The following CSMD1 variants were observed in gnomAD, a reference collection of about 807,000 sequenced individuals.
CSMD1 encodes the protein CUB and Sushi multiple domains 1.
A neutral mutation model predicts 417.5 loss-of-function variants in CSMD1; 213 were observed. The ratio of observed to expected loss-of-function variants is 0.51; its 90% CI spans 0.46 to 0.57. The LOEUF (loss-of-function observed/expected upper bound fraction) is 0.57, where lower values mean the gene tolerates loss of function less well. Among genes scored for constraint, CSMD1 ranks in the 20% least tolerant of loss-of-function variants. The probability of loss-of-function intolerance (pLI) is 0.00; values close to 1 mark genes in which losing one functional copy is unlikely to be tolerated. For synonymous variants in CSMD1, 2,862 were observed against 1,736.8 expected, an observed-to-expected ratio of 1.65 and a Z score of -16.11; for missense variants, 6,923 against 4,529.7, an observed-to-expected ratio of 1.53 and a Z score of -15.17.
At chr8:3,864,395 A>G (rs1804937864) in intron 5 of CSMD1, among the ~76,000 whole-genome samples, 1 of 152,182 alleles carries the variant, frequency 6.6e-6, no homozygotes, top group Non-Finnish European at 1.5e-5. Context: ...CAAAAGGTGC[A>G]AAGATGAAGG....
At chr8:3,986,966 G>A (rs1216861778) in intron 5 of CSMD1, among the ~76,000 whole-genome samples, 9 of 152,032 alleles carry the variant, frequency 5.9e-5, no homozygotes, top group Non-Finnish European at 1.3e-4. Flanking sequence ...TGCAGTTCAG[G>A]CTGTTCTTGA....
intron 5 of CSMD1, among the ~76,000 whole-genome samples, chr8:3,897,581 A>C (rs1489766970): frequency 1.3e-5 from 2 of 152,178 alleles, no homozygotes; most frequent in African/African-American, 4.8e-5. Context: ...AGTAAAAAAA[A>C]AAAGGCTATG....
At chr8:3,954,235 C>A (rs1348542043) in intron 5 of CSMD1, among the ~76,000 whole-genome samples, 1 of 152,180 alleles carries the variant, frequency 6.6e-6, no homozygotes, top group African/African-American at 2.4e-5. Context: ...CAGGCAAGTC[C>A]AGAGCAGGAG....
intron 8 of CSMD1, among the ~76,000 whole-genome samples, chr8:3,603,674 T>C (rs527821409): frequency 6.6e-6 from 1 of 152,352 alleles, no homozygotes; most frequent in African/African-American, 2.4e-5. Context: ...AACTTGAATG[T>C]TTTTAAAATT....
intron 2 of CSMD1, among the ~76,000 whole-genome samples, chr8:4,588,699 C>A (rs1585294603): frequency 6.6e-6 from 1 of 151,780 alleles, no homozygotes; most frequent in South Asian, 2.1e-4. Context: ...GCACAAGAAT[C>A]GCTTGAACCC....
At chr8:3,578,368 C>G (rs112822971) in intron 9 of CSMD1, among the ~76,000 whole-genome samples, 1 of 151,778 alleles carries the variant, frequency 6.6e-6, no homozygotes, top group Non-Finnish European at 1.5e-5. Context: ...GCTGTCCTCC[C>G]TTAGAAATCC....
At chr8:4,286,417 G>C (rs908510150) in intron 3 of CSMD1, among the ~76,000 whole-genome samples, 1 of 152,118 alleles carries the variant, frequency 6.6e-6, no homozygotes, top group African/African-American at 2.4e-5. Context: ...ATGAGACAGA[G>C]AAAAATCATG....
chr8:3,561,024 G>A (rs1296457208), intron 10 of CSMD1, among the ~76,000 whole-genome samples: 3 of 152,074 alleles, frequency 2.0e-5, no homozygotes, highest in African/African-American at 7.2e-5. Context: ...GGCAGGCAGT[G>A]AATACACACA....
intron 3 of CSMD1, among the ~76,000 whole-genome samples, chr8:4,124,976 T>C (rs887553074): frequency 2.6e-5 from 4 of 152,154 alleles, no homozygotes; most frequent in African/African-American, 9.7e-5. Flanking sequence ...AGTTTTACTG[T>C]CGCTTTTGCT....
chr8:4,150,812 G>T (rs181314473), intron 3 of CSMD1, among the ~76,000 whole-genome samples: 10 of 152,232 alleles, frequency 6.6e-5, no homozygotes, highest in Admixed American at 5.9e-4. Flanking sequence ...CAGAGGTGTT[G>T]GGAGAAGACA....
chr8:3,412,629 T>C (rs531295300), intron 12 of CSMD1, among the ~76,000 whole-genome samples: 9 of 152,298 alleles, frequency 5.9e-5, no homozygotes, highest in East Asian at 3.9e-4. Context: ...AGGTTCAAGG[T>C]ACACTGCTAA....
At chr8:4,901,651 C>T (rs1229121857) in intron 1 of CSMD1, among the ~76,000 whole-genome samples, 1 of 152,102 alleles carries the variant, frequency 6.6e-6, no homozygotes, top group Non-Finnish European at 1.5e-5. Flanking sequence ...AGAAAGTTTG[C>T]AAGGCTCTTT....
At chr8:3,781,757 A>T (rs760072198) in intron 5 of CSMD1, among the ~76,000 whole-genome samples, 30 of 152,162 alleles carry the variant, frequency 2.0e-4, no homozygotes, top group Non-Finnish European at 5.9e-5. Flanking sequence ...TCTGATAGAG[A>T]CAACAGAGGG....
chr8:4,898,623 GA>G (rs1804660157), intron 1 of CSMD1, among the ~76,000 whole-genome samples: 1 of 152,084 alleles, frequency 6.6e-6, no homozygotes, highest in African/African-American at 2.4e-5. Flanking sequence ...TGTCTGGAAT[GA>G]AATTTTTTTT....
intron 38 of CSMD1, among the ~76,000 whole-genome samples, chr8:3,160,710 A>G (rs755982109): frequency 1.3e-4 from 20 of 152,234 alleles, no homozygotes; most frequent in Non-Finnish European, 2.2e-4. Flanking sequence ...CAGCTACAAT[A>G]GTTTTCCTAT....
chr8:4,599,439 T>G (rs1312858065), intron 2 of CSMD1, among the ~76,000 whole-genome samples: 1 of 151,992 alleles, frequency 6.6e-6, no homozygotes, highest in East Asian at 1.9e-4. Flanking sequence ...TGGAGTAAAT[T>G]GTACCTAATT....
At chr8:3,367,720 A>C (rs954762580) in intron 19 of CSMD1, among the ~76,000 whole-genome samples, 2 of 152,226 alleles carry the variant, frequency 1.3e-5, no homozygotes, top group African/African-American at 4.8e-5. Context: ...TATGATGTGG[A>C]CATCAATATT....
chr8:3,548,717 C>T (rs1292780872), intron 10 of CSMD1, among the ~76,000 whole-genome samples: 1 of 145,190 alleles, frequency 6.9e-6, no homozygotes, highest in African/African-American at 2.6e-5. Flanking sequence ...TTTCTTTTTC[C>T]ACTCATTGAT....
intron 11 of CSMD1, among the ~76,000 whole-genome samples, chr8:3,482,022 G>C (rs1385773219): frequency 1.3e-5 from 2 of 152,048 alleles, no homozygotes; most frequent in Non-Finnish European, 2.9e-5. Flanking sequence ...CAACCACTTT[G>C]AAAACTACAA....
Sources: gnomAD v4.1 joint callset for allele counts (sites outside exome capture counted in the v4.1 genomes callset) on GRCh38, gnomAD v4.1.1 for gene constraint, MANE v1.5 for transcripts, NCBI Gene and HGNC (gene_info 2026-07-23, HGNC 2026-07-21) for gene names.